PRKG1: variants seen among roughly 807,000 people sequenced by gnomAD.
PRKG1 encodes cGMP-dependent protein kinase 1.
A neutral mutation model predicts 88.1 loss-of-function variants in PRKG1; 35 were observed. That is an observed-to-expected ratio of 0.40 (90% CI 0.30 to 0.53). PRKG1 has a LOEUF of 0.53. PRKG1 is among the 20% of genes least tolerant of loss of function. The pLI, the probability that PRKG1 is intolerant of heterozygous loss-of-function variation, is 0.59. For synonymous variants in PRKG1, 303 were observed against 292.5 expected (o/e 1.04, Z -0.37); for missense variants, 540 against 839.8 (o/e 0.64, Z 4.41).
rs565547305 is a variant in PRKG1 at position 51,218,151 on chromosome 10, ACAG to A, written c.478+64822_478+64824del. 1.0e-3 allele frequency among the ~76,000 whole-genome samples: 152 copies of A among 152,286 alleles called. 4 individuals are homozygous for A. In the South Asian group the frequency reaches 0.03, roughly 30 times the overall value. ...GCATGTATTTTCTAATGAGGTAAAT[ACAG>A]TATCTGTTATAACAATGACTAGGTC... On this transcript the variant is annotated intron_variant, in intron 2 of 17. Transcript: ENST00000373980.
intron 3 of PRKG1, among the ~76,000 whole-genome samples, chr10:51,790,839 G>T (rs146597360): frequency 6.6e-6 from 1 of 152,098 alleles, no homozygotes; most frequent in Non-Finnish European, 1.5e-5. Flanking sequence ...TTTTGCTTCT[G>T]TAAAATGTTA....
intron 5 of PRKG1, among the ~76,000 whole-genome samples, chr10:52,051,277 T>C: frequency 6.6e-6 from 1 of 152,202 alleles, no homozygotes; most frequent in East Asian, 1.9e-4. Flanking sequence ...ATTTTTCTAC[T>C]TTTTCCAAAA....
intron 2 of PRKG1, among the ~76,000 whole-genome samples, chr10:51,182,643 G>A (rs528677290): frequency 9.9e-5 from 15 of 152,160 alleles, no homozygotes; most frequent in Non-Finnish European, 2.1e-4. Flanking sequence ...GTGGGTTATG[G>A]CAGGTAATAT....
intron 10 of PRKG1, among the ~76,000 whole-genome samples, chr10:52,254,686 T>C (rs1266123799): frequency 6.6e-6 from 1 of 152,064 alleles, no homozygotes; most frequent in Non-Finnish European, 1.5e-5. Flanking sequence ...CTTTTTAGCA[T>C]TTCTTAATTT....
At chr10:52,231,611 A>T (rs1346211581) in intron 9 of PRKG1, among the ~76,000 whole-genome samples, 1 of 152,170 alleles carries the variant, frequency 6.6e-6, no homozygotes, top group African/African-American at 2.4e-5. Context: ...TTCATTCCTT[A>T]TATTACCTAA....
chr10:51,638,085 A>T (rs1452452921), intron 3 of PRKG1, among the ~76,000 whole-genome samples: 1 of 152,174 alleles, frequency 6.6e-6, no homozygotes, highest in Admixed American at 6.5e-5. Flanking sequence ...CAATTAAATG[A>T]TCTTAACAAT....
chr10:51,489,508 G>C lies in PRKG1; in HGVS notation c.592+21672G>C, dbSNP rs572285189. Among the ~76,000 whole-genome samples the C allele has an allele frequency of 4.5e-3, 691 of 152,214 alleles. 4 individuals carry two copies. The highest frequency in any genetic ancestry group is 0.016 in the African/African-American group (668 of 41,550). ...TTATCAGACCCCACCCAAGACTCCTGATTCAAAAAGGGAGATTTAACTAGC... is the reference window on the plus strand; with the variant it reads ...TTATCAGACCCCACCCAAGACTCCTCATTCAAAAAGGGAGATTTAACTAGC... On this transcript the variant is annotated intron_variant, in intron 3 of 17. Transcript: ENST00000373980.
chr10:51,713,230 T>C (rs1841805396), intron 3 of PRKG1, among the ~76,000 whole-genome samples: 1 of 152,222 alleles, frequency 6.6e-6, no homozygotes, highest in South Asian at 2.1e-4. Flanking sequence ...CAGCTTCCTG[T>C]CAGTTTTGTA....
chr10:51,629,172 A>G (rs574287143), intron 3 of PRKG1, among the ~76,000 whole-genome samples: 4 of 152,208 alleles, frequency 2.6e-5, no homozygotes, highest in African/African-American at 9.6e-5. Flanking sequence ...ATCATTATGT[A>G]TAATCTATTT....
intron 2 of PRKG1, among the ~76,000 whole-genome samples, chr10:51,244,711 T>TA (rs796189415): frequency 6.6e-6 from 1 of 152,128 alleles, no homozygotes; most frequent in Non-Finnish European, 1.5e-5. Context: ...CTTCTTAACA[T>TA]AAAAAATTAT....
chr10:51,869,712 G>A lies in PRKG1; in HGVS notation c.699-37795G>A, dbSNP rs568182003. Among the ~76,000 whole-genome samples the A allele has an allele frequency of 1.6e-3, 251 of 152,144 alleles. 3 individuals carry two copies. The highest frequency in any genetic ancestry group is 8.3e-4 in the South Asian group (4 of 4,818). On this transcript the variant is annotated intron_variant, in intron 4 of 17. Coordinates refer to ENST00000373980, the MANE Select transcript of PRKG1 (RefSeq NM_006258.4). ...TACGCATAATTATGAAGAGAGAAAG[G>A]AGAAAAATATTTTATAGATTCAATA...
chr10:51,743,707 A>G (rs1564629885), intron 3 of PRKG1, among the ~76,000 whole-genome samples: 1 of 109,924 alleles, frequency 9.1e-6, no homozygotes, highest in East Asian at 2.3e-4. Context: ...TATAATATAA[A>G]CTAAATATAT....
At chr10:52,173,778 T>A (rs1351050793) in intron 9 of PRKG1, among the ~76,000 whole-genome samples, 1 of 152,138 alleles carries the variant, frequency 6.6e-6, no homozygotes, top group Non-Finnish European at 1.5e-5. Flanking sequence ...GTACAAACAT[T>A]TTAGAAAACC....
At chr10:52,230,858 A>C (rs1840503904) in intron 9 of PRKG1, 2 of 152,240 alleles carry the variant, frequency 1.3e-5, no homozygotes, top group African/African-American at 4.8e-5. Context: ...GTAACATCAC[A>C]GTGATTGTTT....
chr10:51,712,023 T>G (rs1354500571), intron 3 of PRKG1, among the ~76,000 whole-genome samples: 1 of 152,152 alleles, frequency 6.6e-6, no homozygotes, highest in Non-Finnish European at 1.5e-5. Context: ...GCGTATAAAT[T>G]TAATGACTGT....
chr10:51,064,649 G>A (rs1589129627), intron 1 of PRKG1, among the ~76,000 whole-genome samples: 1 of 152,008 alleles, frequency 6.6e-6, no homozygotes, highest in Non-Finnish European at 1.5e-5. Flanking sequence ...AAGGGCTTAC[G>A]AAGTATTCTT....
intron 5 of PRKG1, among the ~76,000 whole-genome samples, chr10:51,989,241 G>A (rs887804597): frequency 6.6e-5 from 10 of 152,072 alleles, no homozygotes. Flanking sequence ...GGTGAAGCTA[G>A]ATGGGTCTTA....
chr10:51,276,773 G>A (rs1413906966), intron 2 of PRKG1, among the ~76,000 whole-genome samples: 1 of 152,202 alleles, frequency 6.6e-6, no homozygotes, highest in Non-Finnish European at 1.5e-5. Context: ...CTTTTGAGAA[G>A]TGTCTGTTCA....
chr10:51,322,036 A>T (rs578179859), intron 2 of PRKG1, among the ~76,000 whole-genome samples: 1 of 152,236 alleles, frequency 6.6e-6, no homozygotes, highest in Non-Finnish European at 1.5e-5. Flanking sequence ...GCACGTCTCA[A>T]TTAGATTAAC....
Sources: gnomAD v4.1 joint callset for allele counts (sites outside exome capture counted in the v4.1 genomes callset) on GRCh38, gnomAD v4.1.1 for gene constraint, MANE v1.5 for transcripts, NCBI Gene and HGNC (gene_info 2026-07-23, HGNC 2026-07-21) for gene names.